Variants in PTPRM observed in about 807,000 individuals in gnomAD.
PTPRM encodes receptor-type tyrosine-protein phosphatase mu.
PTPRM carries 47 observed loss-of-function variants against 186.7 expected under a neutral mutation model. The ratio of observed to expected loss-of-function variants is 0.25; its 90% CI spans 0.20 to 0.32. The LOEUF is 0.32. Among genes scored for constraint, PTPRM ranks in the 10% least tolerant of loss-of-function variants. The probability of loss-of-function intolerance (pLI) is 1.00; values close to 1 mark genes in which losing one functional copy is unlikely to be tolerated. For missense variants in PTPRM, 1,494 were observed against 1,865.0 expected, an observed-to-expected ratio of 0.80 and a Z score of 3.66; for synonymous variants, 668 against 674.9, an observed-to-expected ratio of 0.99 and a Z score of 0.16.
intron 7 of PTPRM, among the ~76,000 whole-genome samples, chr18:7,963,948 G>GA (rs2053848844): frequency 6.6e-6 from 1 of 152,158 alleles, no homozygotes; most frequent in Non-Finnish European, 1.5e-5. Context: ...TATCTCCTAG[G>GA]AAAGGAAGAC....
chr18:7,748,414 C>T (rs1436920854), intron 1 of PTPRM, among the ~76,000 whole-genome samples: 1 of 152,124 alleles, frequency 6.6e-6, no homozygotes, highest in African/African-American at 2.4e-5. Context: ...TTCTTCCTCC[C>T]CTTCCTCTGT....
intron 20 of PTPRM, among the ~76,000 whole-genome samples, chr18:8,305,660 A>G (rs760189942): frequency 6.6e-6 from 1 of 152,204 alleles, no homozygotes; most frequent in Non-Finnish European, 1.5e-5. Flanking sequence ...GTTGTTGAGC[A>G]GATACCAGGA....
chr18:7,857,938 C>T (rs996529169), intron 2 of PTPRM, among the ~76,000 whole-genome samples: 3 of 152,256 alleles, frequency 2.0e-5, no homozygotes, highest in Admixed American at 6.5e-5. Context: ...AAAGAGCTTA[C>T]TTTAATGGCT....
chr18:8,256,618 AGTGAGCCACAT>A lies in PTPRM; in HGVS notation c.2754+3207_2754+3217del, dbSNP rs530235560. Among the ~76,000 whole-genome samples, 36 of 152,282 alleles carry A rather than the reference AGTGAGCCACAT, an allele frequency of 2.4e-4. No individual in the cohort carries two copies. In the South Asian group the frequency reaches 5.8e-3, roughly 25 times the overall value. The stretch of plus-strand genomic sequence containing the variant: ...CTTGCGCATAGCAGTCTGAGGATAG[AGTGAGCCACAT>A]GTTATGGAAAGGGGTTATACTTTTC... On this transcript the variant is annotated intron_variant, in intron 19 of 32. Transcript: ENST00000580170.
At chr18:8,133,537 G>GCA (rs1797408423) in intron 13 of PTPRM, among the ~76,000 whole-genome samples, 1 of 152,152 alleles carries the variant, frequency 6.6e-6, no homozygotes, top group East Asian at 1.9e-4. Flanking sequence ...GCAGGAGAGA[G>GCA]AATACTTTTC....
At chr18:7,832,525 T>A (rs1356166282) in intron 2 of PTPRM, among the ~76,000 whole-genome samples, 1 of 152,114 alleles carries the variant, frequency 6.6e-6, no homozygotes, top group African/African-American at 2.4e-5. Context: ...TATTAGCCCC[T>A]TGTGAGATGG....
At chr18:7,734,793 A>C (rs2040733240) in intron 1 of PTPRM, among the ~76,000 whole-genome samples, 1 of 152,186 alleles carries the variant, frequency 6.6e-6, no homozygotes, top group Admixed American at 6.5e-5. Context: ...TTCTCCAAAG[A>C]ATGAAGCTTT....
chr18:8,191,993 C>A (rs2093716505), intron 14 of PTPRM, among the ~76,000 whole-genome samples: 1 of 151,854 alleles, frequency 6.6e-6, no homozygotes, highest in Non-Finnish European at 1.5e-5. Context: ...GGACAAAAAA[C>A]TGAAATGAAA....
chr18:8,113,946 C>CTT (rs35576891), intron 12 of PTPRM, among the ~76,000 whole-genome samples, 187 bp downstream of exon 12: 23,261 of 146,622 alleles, frequency 0.16, 2,008 homozygotes, highest in African/African-American at 0.23. Context: ...ATATACTCAT[C>CTT]TTTTTTTTTT....
chr18:8,374,550 G>A (rs1043970289), intron 24 of PTPRM, among the ~76,000 whole-genome samples: 4 of 152,184 alleles, frequency 2.6e-5, no homozygotes, highest in Non-Finnish European at 5.9e-5. Context: ...GGAGACCATG[G>A]CACTGGCAAA....
intron 7 of PTPRM, among the ~76,000 whole-genome samples, chr18:7,972,999 C>T (rs1007653142): frequency 6.6e-6 from 1 of 152,090 alleles, no homozygotes; most frequent in Non-Finnish European, 1.5e-5. Context: ...ATTTTCTGAA[C>T]AGCTCTCTAG....
At chr18:7,795,082 C>A (rs57015414) in intron 2 of PTPRM, among the ~76,000 whole-genome samples, 1 of 152,320 alleles carries the variant, frequency 6.6e-6, no homozygotes, top group East Asian at 1.9e-4. Context: ...CTTGTGATCA[C>A]CAGATGTACT....
At chr18:8,335,788 G>A (rs2095435746) in intron 22 of PTPRM, among the ~76,000 whole-genome samples, 1 of 152,162 alleles carries the variant, frequency 6.6e-6, no homozygotes, top group Non-Finnish European at 1.5e-5. Context: ...TTGGGAAGCT[G>A]AGGCGGGCAG....
At chr18:8,246,156 C>G (rs1258076643) in intron 15 of PTPRM, among the ~76,000 whole-genome samples, 1 of 152,142 alleles carries the variant, frequency 6.6e-6, no homozygotes, top group Non-Finnish European at 1.5e-5. Context: ...TGAAATAAGA[C>G]AGCAGTTTCT....
chr18:7,607,249 G>T (rs985663294), intron 1 of PTPRM, among the ~76,000 whole-genome samples: 6 of 152,154 alleles, frequency 3.9e-5, no homozygotes, highest in African/African-American at 1.4e-4. Flanking sequence ...GAGCTGCGAG[G>T]AATAGAGATA....
intron 2 of PTPRM, among the ~76,000 whole-genome samples, chr18:7,793,457 G>A (rs1290877110): frequency 6.6e-6 from 1 of 151,912 alleles, no homozygotes; most frequent in Non-Finnish European, 1.5e-5. Flanking sequence ...ATCTCACAAT[G>A]AGGAGCACTT....
At chr18:7,756,732 T>G (rs902819068) in intron 1 of PTPRM, among the ~76,000 whole-genome samples, 1 of 152,198 alleles carries the variant, frequency 6.6e-6, no homozygotes, top group African/African-American at 2.4e-5. Context: ...TCTTAGGGGT[T>G]GGGAAACCAG....
At chr18:7,785,994 A>G (rs1174348858) in intron 2 of PTPRM, among the ~76,000 whole-genome samples, 1 of 152,240 alleles carries the variant, frequency 6.6e-6, no homozygotes, top group Non-Finnish European at 1.5e-5. Context: ...GCTTGCATTC[A>G]TTTGTATCCT....
intron 1 of PTPRM, among the ~76,000 whole-genome samples, chr18:7,715,862 GACAA>G (rs1322898810): frequency 1.3e-5 from 2 of 152,010 alleles, no homozygotes; most frequent in Non-Finnish European, 1.5e-5. Context: ...TGAGAGAGAA[GACAA>G]ACAAATGGAA....
Sources: allele counts gnomAD v4.1 joint callset (sites outside exome capture counted in the v4.1 genomes callset), GRCh38; gene constraint gnomAD v4.1.1; transcripts MANE v1.5; gene names NCBI Gene and HGNC (gene_info 2026-07-23, HGNC 2026-07-21).